Variants in FNDC3B observed in about 807,000 individuals in gnomAD.
FNDC3B encodes fibronectin type III domain containing 3B.
Under a neutral mutation model 151.5 loss-of-function variants are expected in FNDC3B, and 12 were observed. The observed-to-expected ratio is 0.08, with a 90% CI of 0.05 to 0.13. FNDC3B has a LOEUF of 0.13. Among genes scored for constraint, FNDC3B ranks in the 10% least tolerant of loss-of-function variants. FNDC3B has a pLI of 1.00. For missense variants in FNDC3B, 1,214 were observed against 1,505.3 expected (o/e 0.81, Z 3.20); for synonymous variants, 528 against 549.0 (o/e 0.96, Z 0.54).
chr3:172,350,673 T>C (rs1184714230), intron 21 of FNDC3B, among the ~76,000 whole-genome samples: 1 of 152,172 alleles, frequency 6.6e-6, no homozygotes, highest in African/African-American at 2.4e-5. Flanking sequence ...GTTATAAGTT[T>C]TGTTTTAGAC....
chr3:172,343,026 C>A lies in FNDC3B; in HGVS notation c.1987C>A (p.Pro663Thr), dbSNP rs141555623. The stretch of plus-strand genomic sequence containing the variant: ...TCTCCTGCAGTGTTCTGAAAGTCTC[C>A]CTGTTCGCACACTAAGCATTGCACC... Reference protein sequence around the residue: ...GGHSQCSESLPVRTLSIAPGQ... With the variant: ...GGHSQCSESLTVRTLSIAPGQ... The change falls in exon 18 of 26, where the codon CCT becomes ACT. Residue 663 changes from proline to threonine, a missense_variant. Around this residue, in one of 7 missense-constraint regions of FNDC3B, gnomAD observed 380 missense variants for 420.9 expected, o/e 0.90. Coordinates refer to ENST00000415807, the MANE Select transcript of FNDC3B (RefSeq NM_022763.4). 6.2e-7 allele frequency: 1 copy of A among 1,610,334 alleles called. No individual in the cohort carries two copies. The highest frequency in any genetic ancestry group is 1.7e-5 in the Admixed American group (1 of 59,980).
chr3:172,043,017 C>T (rs995182136), intron 1 of FNDC3B, among the ~76,000 whole-genome samples: 6 of 151,788 alleles, frequency 4.0e-5, no homozygotes, highest in Non-Finnish European at 8.8e-5. Context: ...CGGATTCAAG[C>T]GATTCTCCTG....
rs557024253 is a variant in FNDC3B at position 172,044,926 on chromosome 3, G to C, written c.-29+5155G>C. On this transcript the variant is annotated intron_variant, in intron 1 of 25. Transcript: ENST00000415807. The stretch of plus-strand genomic sequence containing the variant: ...GAAATCAGAATATCTCCTCTGTCAA[G>C]GAGTGACTTTACTTTCTAGCTGGGT... 7.2e-5 allele frequency among the ~76,000 whole-genome samples: 11 copies of C among 152,298 alleles called. No individual in the cohort carries two copies. The South Asian group carries it at 1.5e-3, about 20-fold the overall frequency.
At chr3:172,229,361 C>T (rs558471825) in intron 4 of FNDC3B, among the ~76,000 whole-genome samples, 107 of 152,302 alleles carry the variant, frequency 7.0e-4, no homozygotes, top group African/African-American at 2.5e-3. Context: ...GGCACCTTTA[C>T]CTGTCACCCC....
At chr3:172,193,889 A>G (rs997878881) in intron 3 of FNDC3B, among the ~76,000 whole-genome samples, 1 of 152,180 alleles carries the variant, frequency 6.6e-6, no homozygotes, top group Admixed American at 6.5e-5. Context: ...TTTTTGGATA[A>G]ATAAGAATTG....
At chr3:172,230,503 CAAA>C (rs35745761) in intron 4 of FNDC3B, among the ~76,000 whole-genome samples, 3 of 111,604 alleles carry the variant, frequency 2.7e-5, no homozygotes, top group Non-Finnish European at 3.9e-5. Context: ...GACTCTGTCT[CAAA>C]AAAAAAAAAA....
At chr3:172,147,062 G>A (rs1001327546) in intron 3 of FNDC3B, among the ~76,000 whole-genome samples, 17 of 152,088 alleles carry the variant, frequency 1.1e-4, no homozygotes, top group Non-Finnish European at 2.2e-4. Context: ...AATCAGCACC[G>A]TGGGAGGCCA....
chr3:172,228,531 T>G (rs1726710048), intron 4 of FNDC3B, among the ~76,000 whole-genome samples: 1 of 152,222 alleles, frequency 6.6e-6, no homozygotes, highest in South Asian at 2.1e-4. Context: ...TTATTGCATG[T>G]ACTAGGAAAA....
At chr3:172,061,031 G>A (rs977913273) in intron 1 of FNDC3B, among the ~76,000 whole-genome samples, 2 of 152,140 alleles carry the variant, frequency 1.3e-5, no homozygotes, top group Admixed American at 1.3e-4. Context: ...GAAAATGAAG[G>A]CAGTGTTTCT....
chr3:172,141,943 T>C (rs1216412378), intron 3 of FNDC3B, among the ~76,000 whole-genome samples: 1 of 152,226 alleles, frequency 6.6e-6, no homozygotes, highest in African/African-American at 2.4e-5. Context: ...GGGCTATATA[T>C]TGGGAAGATC....
At chr3:172,172,854 G>A (rs1480155491) in intron 3 of FNDC3B, among the ~76,000 whole-genome samples, 4 of 152,052 alleles carry the variant, frequency 2.6e-5, no homozygotes, top group East Asian at 1.9e-4. Context: ...CATATTCTTC[G>A]ACATTTCCTC....
intron 1 of FNDC3B, among the ~76,000 whole-genome samples, chr3:172,077,698 C>T (rs1283998850): frequency 6.6e-6 from 1 of 151,854 alleles, no homozygotes; most frequent in African/African-American, 2.4e-5. Context: ...TAGAAAGGCT[C>T]CCGTTTATAG....
intron 25 of FNDC3B, among the ~76,000 whole-genome samples, chr3:172,396,733 G>T (rs1412884060): frequency 6.6e-6 from 1 of 152,176 alleles, no homozygotes; most frequent in African/African-American, 2.4e-5. Context: ...CACTCCTCAT[G>T]CGGATCTAAC....
intron 1 of FNDC3B, among the ~76,000 whole-genome samples, chr3:172,046,279 A>G (rs1716365620): frequency 6.6e-6 from 1 of 152,118 alleles, no homozygotes; most frequent in Non-Finnish European, 1.5e-5. Context: ...AGAATTTCTG[A>G]TGCCCTTGGC....
intron 16 of FNDC3B, among the ~76,000 whole-genome samples, chr3:172,340,346 C>T (rs1293959864): frequency 2.0e-5 from 3 of 148,594 alleles, no homozygotes; most frequent in South Asian, 2.1e-4. Flanking sequence ...TGTGCAACGG[C>T]GCAATCTCGG....
At chr3:172,105,149 G>A (rs979899774) in intron 1 of FNDC3B, among the ~76,000 whole-genome samples, 1 of 152,054 alleles carries the variant, frequency 6.6e-6, no homozygotes, top group African/African-American at 2.4e-5. Flanking sequence ...TACACATTTA[G>A]GAAACTGTCT....
intron 3 of FNDC3B, chr3:172,187,028 C>A: frequency 2.8e-6 from 1 of 356,270 alleles, no homozygotes; most frequent in Non-Finnish European, 5.0e-6. Context: ...GCTTATTAGT[C>A]CACCTGAAAG....
At chr3:172,171,918 G>A (rs1396180936) in intron 3 of FNDC3B, among the ~76,000 whole-genome samples, 1 of 152,202 alleles carries the variant, frequency 6.6e-6, no homozygotes, top group Non-Finnish European at 1.5e-5. Flanking sequence ...CAGCATGAGA[G>A]GTGGAAGTAT....
At chr3:172,222,574 A>C (rs1377056482) in intron 3 of FNDC3B, among the ~76,000 whole-genome samples, 1 of 152,218 alleles carries the variant, frequency 6.6e-6, no homozygotes, top group Non-Finnish European at 1.5e-5. Context: ...GGGCTGTTTC[A>C]GAATGAAACT....
Sources: gnomAD v4.1 joint callset for allele counts (sites outside exome capture counted in the v4.1 genomes callset) on GRCh38, gnomAD v4.1.1 for gene constraint, gnomAD v4.1.1 regional missense constraint, MANE v1.5 for transcripts, NCBI Gene and HGNC (gene_info 2026-07-23, HGNC 2026-07-21) for gene names.